Variants in ABI1 observed in about 807,000 individuals in gnomAD.
ABI1 encodes the protein Abelson interactor 1.
Under a neutral mutation model 54.6 loss-of-function variants are expected in ABI1, and 14 were observed. That is an observed-to-expected ratio of 0.26 (90% CI 0.17 to 0.40). The LOEUF is 0.40. Among genes scored for constraint, ABI1 ranks in the 10% least tolerant of loss-of-function variants. ABI1 has a pLI of 1.00. For synonymous variants in ABI1, 194 were observed against 209.3 expected, an observed-to-expected ratio of 0.93 and a Z score of 0.63; for missense variants, 443 against 598.3, an observed-to-expected ratio of 0.74 and a Z score of 2.71.
chr10:26,802,124 C>T (rs1030358366), intron 2 of ABI1, among the ~76,000 whole-genome samples: 9 of 152,124 alleles, frequency 5.9e-5, no homozygotes, highest in African/African-American at 2.2e-4. Flanking sequence ...TAACATATGT[C>T]AAGACACTAA....
chr10:26,825,008 C>T (rs2048218754), intron 1 of ABI1, among the ~76,000 whole-genome samples: 1 of 152,202 alleles, frequency 6.6e-6, no homozygotes, highest in Non-Finnish European at 1.5e-5. Context: ...TCAGAGCCTT[C>T]AGAGAGTCCT....
intron 2 of ABI1, 65 bp from the exon 3 acceptor site, chr10:26,777,306 C>T: frequency 7.6e-7 from 1 of 1,310,602 alleles, no homozygotes; most frequent in South Asian, 1.4e-5. Flanking sequence ...TATCCATATA[C>T]ACTGGACCAT....
intron 1 of ABI1, among the ~76,000 whole-genome samples, chr10:26,858,385 G>C (rs772179555): frequency 5.9e-5 from 9 of 151,380 alleles, no homozygotes; most frequent in African/African-American, 9.7e-5. Context: ...GCAACTAGTG[G>C]CCTGGATCAT....
At chr10:26,845,279 C>T (rs1181751637) in intron 1 of ABI1, among the ~76,000 whole-genome samples, 1 of 152,126 alleles carries the variant, frequency 6.6e-6, no homozygotes, top group East Asian at 1.9e-4. Context: ...TTTAACTATA[C>T]ATACTATAGA....
chr10:26,856,979 AG>A (rs1271007155), intron 1 of ABI1, among the ~76,000 whole-genome samples: 5 of 152,196 alleles, frequency 3.3e-5, no homozygotes, highest in African/African-American at 1.2e-4. Context: ...GTCATAGTAA[AG>A]GAATATGGAA....
At chr10:26,802,914 T>C (rs2133395558) in intron 2 of ABI1, among the ~76,000 whole-genome samples, 1 of 152,222 alleles carries the variant, frequency 6.6e-6, no homozygotes, top group South Asian at 2.1e-4. Context: ...ACAAAATCCA[T>C]ACAAGTAAGC....
chr10:26,763,490 C>G (rs1482342651), intron 7 of ABI1, among the ~76,000 whole-genome samples: 1 of 152,070 alleles, frequency 6.6e-6, no homozygotes, highest in East Asian at 1.9e-4. Flanking sequence ...CCACACATAT[C>G]GTTTGCCTTT....
chr10:26,789,800 G>C (rs770368433), intron 2 of ABI1, among the ~76,000 whole-genome samples: 1 of 151,960 alleles, frequency 6.6e-6, no homozygotes, highest in Non-Finnish European at 1.5e-5. Flanking sequence ...CCTCCAGTAG[G>C]CCCCAGTGTG....
chr10:26,856,478 A>C (rs2050832336), intron 1 of ABI1, among the ~76,000 whole-genome samples: 1 of 148,066 alleles, frequency 6.8e-6, no homozygotes, highest in Admixed American at 6.8e-5. Context: ...ACAGTTTGTA[A>C]ACTGGCATAA....
At position 26,748,066 on chromosome 10, in the gene ABI1, A is replaced by G; in HGVS notation, c.*504T>C. ...TCCAGGTAAATATTACACAAATGGG[A>G]AGCATCTTGAATTTTTAAGTATATT... On this transcript the variant is annotated 3_prime_UTR_variant, in exon 11 of 11. Coordinates refer to ENST00000376140, the MANE Select transcript of ABI1 (RefSeq NM_001012750.3). 1 of 206,514 alleles carries G rather than the reference A, an allele frequency of 4.8e-6. No individual in the cohort carries two copies. Among genetic ancestry groups the G allele is most frequent in the Non-Finnish European group, 9.9e-6 (1 of 101,366 alleles). The allele number at this position is 206,514 out of a possible 1,614,324, so 12.8% of individuals were successfully genotyped here.
chr10:26,852,441 T>C (rs983648880), intron 1 of ABI1, among the ~76,000 whole-genome samples: 1 of 152,158 alleles, frequency 6.6e-6, no homozygotes, highest in Admixed American at 6.5e-5. Context: ...ATTGTGCCAT[T>C]ATACTCTAGC....
Position 26,821,627 on chromosome 10 carries a change from G to A in ABI1, c.285+1511C>T, listed in dbSNP as rs752334374. Among the ~76,000 whole-genome samples, 18 of 152,068 alleles carry A rather than the reference G, an allele frequency of 1.2e-4. No homozygotes were observed. The East Asian group carries it at 1.5e-3, about 13-fold the overall frequency. On this transcript the variant is annotated intron_variant, in intron 2 of 10. Coordinates refer to ENST00000376140, the MANE Select transcript of ABI1 (RefSeq NM_001012750.3). ...AGCCTGGCCAACATGGCAAAACCCC[G>A]TCTCTACTAAAAATACAAAAAATTA... is the stretch of plus-strand genomic sequence containing the variant.
At chr10:26,762,485 T>C (rs1043895020) in intron 7 of ABI1, among the ~76,000 whole-genome samples, 7 of 152,206 alleles carry the variant, frequency 4.6e-5, no homozygotes, top group Non-Finnish European at 8.8e-5. Flanking sequence ...ACAGCAGTTT[T>C]CACACTTTTT....
chr10:26,764,822 T>C (rs909870287), intron 7 of ABI1, among the ~76,000 whole-genome samples: 1 of 152,170 alleles, frequency 6.6e-6, no homozygotes, highest in Admixed American at 6.5e-5. Context: ...ATTTAAAGAA[T>C]ATGAGAGGAT....
At chr10:26,800,161 A>G (rs999953984) in intron 2 of ABI1, among the ~76,000 whole-genome samples, 4 of 152,128 alleles carry the variant, frequency 2.6e-5, no homozygotes, top group Admixed American at 1.3e-4. Context: ...ACCTAGGTGT[A>G]TCACCTGAGG....
At chr10:26,800,760 G>A (rs1319485804) in intron 2 of ABI1, among the ~76,000 whole-genome samples, 1 of 152,228 alleles carries the variant, frequency 6.6e-6, no homozygotes, top group African/African-American at 2.4e-5. Flanking sequence ...GCCAGGCACA[G>A]TGGCTGACGC....
At chr10:26,758,891 A>G (rs1998631) in intron 8 of ABI1, among the ~76,000 whole-genome samples, 171 bp downstream of exon 8, 87,449 of 152,116 alleles carry the variant, frequency 0.57, 27,073 homozygotes, top group African/African-American at 0.82. Context: ...AAAGTGGTAA[A>G]CAATTACTCT....
At chr10:26,788,841 A>T (rs749405271) in intron 2 of ABI1, among the ~76,000 whole-genome samples, 3 of 141,060 alleles carry the variant, frequency 2.1e-5, no homozygotes, top group Non-Finnish European at 1.5e-5. Flanking sequence ...TGAACCTGGG[A>T]GGCAGAGCTT....
At chr10:26,765,358 A>G in intron 6 of ABI1, 40 bp from the exon 7 acceptor site, 1 of 1,435,892 alleles carries the variant, frequency 7.0e-7, no homozygotes, top group Non-Finnish European at 9.5e-7. Context: ...CCAATTCTAG[A>G]GACATATTTA....
Sources: allele counts gnomAD v4.1 joint callset (sites outside exome capture counted in the v4.1 genomes callset), GRCh38; gene constraint gnomAD v4.1.1; transcripts MANE v1.5; gene names NCBI Gene and HGNC (gene_info 2026-07-23, HGNC 2026-07-21).